The following CCDC138 variants were observed in gnomAD, a reference collection of about 807,000 sequenced individuals.
The protein encoded by CCDC138 is coiled-coil domain containing 138.
Under a neutral mutation model 82.3 loss-of-function variants are expected in CCDC138, and 66 were observed. The ratio of observed to expected loss-of-function variants is 0.80; its 90% CI spans 0.66 to 0.98. CCDC138 has a LOEUF of 0.98. CCDC138 is among the 50% of genes least tolerant of loss of function. CCDC138 has a pLI of 0.00. For missense variants in CCDC138, 816 were observed against 758.9 expected, an observed-to-expected ratio of 1.08 and a Z score of -0.88; for synonymous variants, 297 against 265.4, an observed-to-expected ratio of 1.12 and a Z score of -1.16.
intron 12 of CCDC138, among the ~76,000 whole-genome samples, chr2:108,852,291 T>G (rs1298744369): frequency 1.3e-5 from 2 of 152,238 alleles, no homozygotes; most frequent in Non-Finnish European, 2.9e-5. Context: ...GGAACACTTG[T>G]ACACTGTTTG....
In CCDC138 at chr2:108,875,319, T is replaced by A. The variant is rs111771118; in HGVS notation, c.1833-769T>A. ...ATGTACCCTAAAACTTAAAGTATAA[T>A]AAAAAAAAAAAAAAAAAGAAACAAA... On this transcript the variant is annotated intron_variant, in intron 14 of 14. Transcript: ENST00000295124. Among the ~76,000 whole-genome samples the A allele has an allele frequency of 7.7e-3, 913 of 118,266 alleles. 35 individuals carry two copies. Among genetic ancestry groups the A allele is most frequent in the East Asian group, 0.032 (15 of 464 alleles). The allele number at this position is 118,266 out of a possible 152,430, so 77.6% of individuals were successfully genotyped here.
intron 6 of CCDC138, among the ~76,000 whole-genome samples, chr2:108,804,565 C>G (rs529290548): frequency 6.6e-6 from 1 of 152,030 alleles, no homozygotes; most frequent in Non-Finnish European, 1.5e-5. Context: ...TTTTATTATT[C>G]CATGATGTCA....
intron 12 of CCDC138, among the ~76,000 whole-genome samples, chr2:108,854,439 G>A (rs1692280789): frequency 6.6e-6 from 1 of 152,014 alleles, no homozygotes; most frequent in South Asian, 2.1e-4. Context: ...TTTTTAATGA[G>A]AGAATTGATG....
At chr2:108,811,053 G>A (rs145861677) in intron 7 of CCDC138, among the ~76,000 whole-genome samples, 185 of 151,128 alleles carry the variant, frequency 1.2e-3, no homozygotes, top group African/African-American at 4.4e-3. Flanking sequence ...TTTTGTTTCC[G>A]ATTTTTCCGA....
chr2:108,875,025 A>G (rs1020998885), intron 14 of CCDC138, among the ~76,000 whole-genome samples: 1 of 151,680 alleles, frequency 6.6e-6, no homozygotes, highest in African/African-American at 2.4e-5. Flanking sequence ...TTAGACTTAG[A>G]TAAAAAAACA....
chr2:108,787,955 A>G lies in CCDC138; in HGVS notation c.94-77A>G, dbSNP rs1573885217. On this transcript the variant is annotated intron_variant, in intron 1 of 14. Transcript: ENST00000295124. ...CCACTCTAACCTTTGTAATTAATAC[A>G]TAATTTGTGGGGAAATATTTTGAGA... 7 of 1,213,554 alleles carry G rather than the reference A, an allele frequency of 5.8e-6. No individual in the cohort carries two copies. The East Asian group carries it at 1.6e-4, about 28-fold the overall frequency. 75.2% of individuals were successfully genotyped at this position (1,213,554 alleles called of 1,614,324 possible).
chr2:108,861,785 C>T (rs545936622), intron 13 of CCDC138, among the ~76,000 whole-genome samples: 8 of 151,986 alleles, frequency 5.3e-5, no homozygotes, highest in Non-Finnish European at 4.4e-5. Context: ...CCGGCCTAAA[C>T]CTCGGCCTCC....
At chr2:108,812,126 T>C (rs1358617699) in intron 7 of CCDC138, among the ~76,000 whole-genome samples, 2 of 151,824 alleles carry the variant, frequency 1.3e-5, no homozygotes. Context: ...TAAAAGAAAA[T>C]AAAACCTAAA....
intron 12 of CCDC138, among the ~76,000 whole-genome samples, chr2:108,855,166 A>G (rs905511136): frequency 1.3e-5 from 2 of 152,196 alleles, no homozygotes; most frequent in Non-Finnish European, 2.9e-5. Flanking sequence ...GAAATATTCA[A>G]TAAATTAAAA....
At chr2:108,843,879 T>TGTGTGTGTGTGTGTGTG (rs70956281) in intron 11 of CCDC138, among the ~76,000 whole-genome samples, 2 of 126,282 alleles carry the variant, frequency 1.6e-5, no homozygotes, top group African/African-American at 5.4e-5. Flanking sequence ...TGTGTGTGTG[T>TGTGTGTGTGTGTGTGTG]TTCTTTCTTT....
intron 13 of CCDC138, among the ~76,000 whole-genome samples, chr2:108,862,988 T>C (rs574694810): frequency 6.6e-6 from 1 of 152,220 alleles, no homozygotes; most frequent in Non-Finnish European, 1.5e-5. Flanking sequence ...TCAAAAACTT[T>C]GGACTATACT....
intron 10 of CCDC138, among the ~76,000 whole-genome samples, chr2:108,835,972 G>A (rs73952524): frequency 0.014 from 2,142 of 152,248 alleles, 65 homozygotes; most frequent in South Asian, 0.082. Context: ...AAGAGCAGGA[G>A]AAAGGGAGCC....
At chr2:108,856,557 T>C (rs1280941447) in intron 12 of CCDC138, among the ~76,000 whole-genome samples, 1 of 152,232 alleles carries the variant, frequency 6.6e-6, no homozygotes, top group East Asian at 1.9e-4. Flanking sequence ...CTTGTTATTT[T>C]GGTGTTAAAA....
At chr2:108,838,400 A>G (rs973988376) in intron 10 of CCDC138, among the ~76,000 whole-genome samples, 10 of 152,230 alleles carry the variant, frequency 6.6e-5, no homozygotes, top group Admixed American at 2.0e-4. Flanking sequence ...TACAGTTGAC[A>G]TAACCATTTT....
chr2:108,842,458 G>A (rs1689663318), intron 11 of CCDC138, among the ~76,000 whole-genome samples: 1 of 152,152 alleles, frequency 6.6e-6, no homozygotes, highest in Non-Finnish European at 1.5e-5. Flanking sequence ...AAAGGGACCT[G>A]TGGGCAAGTG....
In CCDC138 at chr2:108,795,250, G is replaced by A. The variant is rs546981503; in HGVS notation, c.576+529G>A. 2.0e-5 allele frequency among the ~76,000 whole-genome samples: 3 copies of A among 149,542 alleles called. No homozygotes were observed. The Admixed American group carries it at 2.0e-4, about 10-fold the overall frequency. On this transcript the variant is annotated intron_variant, in intron 5 of 14. Transcript: ENST00000295124. The stretch of plus-strand genomic sequence containing the variant: ...GCTCACTGCGGCCTCCGCCTCCTGG[G>A]TTCCAGTGATTCTCCTGCCTCAGCC...
intron 12 of CCDC138, among the ~76,000 whole-genome samples, chr2:108,848,471 G>T (rs567272282): frequency 6.6e-6 from 1 of 152,288 alleles, no homozygotes; most frequent in Non-Finnish European, 1.5e-5. Context: ...ATAAATAATG[G>T]ATGGATGAAT....
chr2:108,883,670 G>C (rs965241742), intron 2 of CCDC138: 1 of 152,230 alleles, frequency 6.6e-6, no homozygotes, highest in African/African-American at 2.4e-5. Flanking sequence ...ATGCTCACTC[G>C]AGTGGGCTTC....
At chr2:108,820,511 A>G (rs1161815147) in intron 10 of CCDC138, among the ~76,000 whole-genome samples, 1 of 152,140 alleles carries the variant, frequency 6.6e-6, no homozygotes, top group Non-Finnish European at 1.5e-5. Flanking sequence ...CAGAGAGGAC[A>G]ATTCTAAAGA....
Sources: gnomAD v4.1 joint callset for allele counts (sites outside exome capture counted in the v4.1 genomes callset) on GRCh38, gnomAD v4.1.1 for gene constraint, MANE v1.5 for transcripts, NCBI Gene and HGNC (gene_info 2026-07-23, HGNC 2026-07-21) for gene names.